DIAPH3: variants seen among roughly 807,000 people sequenced by gnomAD.
DIAPH3 encodes the protein protein diaphanous homolog 3.
In DIAPH3, 117 loss-of-function variants were observed where a neutral mutation model predicts 144.3. The ratio of observed to expected loss-of-function variants is 0.81; its 90% CI spans 0.70 to 0.95. The LOEUF is 0.95. DIAPH3 is among the 40% of genes least tolerant of loss of function. The pLI, the probability that DIAPH3 is intolerant of heterozygous loss-of-function variation, is 0.00. For synonymous variants in DIAPH3, 519 were observed against 488.9 expected (o/e 1.06, Z -0.81); for missense variants, 1,421 against 1,412.7 (o/e 1.01, Z -0.09).
intron 5 of DIAPH3, among the ~76,000 whole-genome samples, chr13:60,030,134 T>C (rs2054680539): frequency 6.6e-6 from 1 of 152,190 alleles, no homozygotes; most frequent in Non-Finnish European, 1.5e-5. Context: ...TTAATTACTC[T>C]CAGTCCTCAT....
chr13:60,150,755 A>G (rs1951742683), intron 1 of DIAPH3, among the ~76,000 whole-genome samples: 1 of 152,204 alleles, frequency 6.6e-6, no homozygotes, highest in Non-Finnish European at 1.5e-5. Context: ...AGGTTGCTCC[A>G]GGCTTGGAGA....
rs139532834 is a variant in DIAPH3, at chr13:60,156,520, T to A, written c.180+7067A>T. On this transcript the variant is annotated intron_variant, in intron 1 of 27. Transcript: ENST00000400324. The stretch of plus-strand genomic sequence containing the variant: ...GGGATGAATGGGCCCAAAGAAGAGA[T>A]GAAAGTCTGAGACAAAGTTTATCTG... Among the ~76,000 whole-genome samples the A allele has an allele frequency of 3.7e-3, 566 of 152,050 alleles. 4 individuals are homozygous for A. The highest frequency in any genetic ancestry group is 0.013 in the African/African-American group (550 of 41,458).
chr13:60,038,901 G>T (rs1301279634), intron 5 of DIAPH3, among the ~76,000 whole-genome samples: 2 of 151,824 alleles, frequency 1.3e-5, no homozygotes, highest in African/African-American at 4.8e-5. Flanking sequence ...TGATGTTGCT[G>T]TCTACCTTTT....
chr13:59,862,814 T>C (rs993008730), intron 21 of DIAPH3, among the ~76,000 whole-genome samples: 6 of 152,156 alleles, frequency 3.9e-5, no homozygotes, highest in African/African-American at 1.4e-4. Flanking sequence ...GCATTTATGT[T>C]TATATACTGT....
intron 4 of DIAPH3, among the ~76,000 whole-genome samples, chr13:60,059,984 G>C (rs189999749): frequency 2.5e-4 from 38 of 152,126 alleles, no homozygotes; most frequent in Admixed American, 1.2e-3. Flanking sequence ...AATCCCTCCA[G>C]GTAATCGCAC....
chr13:59,976,704 C>A (rs2050698573), intron 14 of DIAPH3, among the ~76,000 whole-genome samples: 1 of 151,588 alleles, frequency 6.6e-6, no homozygotes, highest in Non-Finnish European at 1.5e-5. Context: ...CTTTCCTCAC[C>A]CTCCTCCTGC....
intron 27 of DIAPH3, among the ~76,000 whole-genome samples, chr13:59,754,734 T>C (rs1433744142): frequency 1.3e-5 from 2 of 152,186 alleles, no homozygotes; most frequent in African/African-American, 2.4e-5. Context: ...CTTTTGTCAC[T>C]TGGATTATTA....
chr13:60,114,719 C>T (rs903735929), intron 2 of DIAPH3, among the ~76,000 whole-genome samples: 11 of 151,690 alleles, frequency 7.3e-5, no homozygotes, highest in Non-Finnish European at 1.3e-4. Context: ...CATGGTCAAA[C>T]TGCTGAAAGT....
At chr13:59,895,444 C>CAAA (rs149290420) in intron 20 of DIAPH3, among the ~76,000 whole-genome samples, 6 of 127,964 alleles carry the variant, frequency 4.7e-5, no homozygotes, top group Admixed American at 3.1e-4. Flanking sequence ...AAAAAAAAAA[C>CAAA]AAAAAAAAAA....
chr13:59,845,031 C>A (rs1309432771), intron 22 of DIAPH3, among the ~76,000 whole-genome samples: 2 of 127,664 alleles, frequency 1.6e-5, no homozygotes, highest in African/African-American at 2.9e-5. Context: ...TTTTGAGACA[C>A]CATTTTTTTC....
At chr13:59,710,004 G>C (rs373258093) in intron 27 of DIAPH3, among the ~76,000 whole-genome samples, 2,681 of 151,538 alleles carry the variant, frequency 0.018, 70 homozygotes, top group East Asian at 0.12. Flanking sequence ...AACAAAAAAC[G>C]AAACACTGCA....
intron 4 of DIAPH3, among the ~76,000 whole-genome samples, chr13:60,056,019 G>C (rs988354648): frequency 1.3e-5 from 2 of 151,668 alleles, no homozygotes; most frequent in Admixed American, 6.6e-5. Flanking sequence ...ATATCAGAAA[G>C]AGTGGAAGGA....
At chr13:60,122,107 A>G (rs992988758) in intron 2 of DIAPH3, among the ~76,000 whole-genome samples, 1 of 152,208 alleles carries the variant, frequency 6.6e-6, no homozygotes, top group Admixed American at 6.5e-5. Context: ...TCAAAGGATG[A>G]CATTCTTGGC....
In DIAPH3 at chr13:59,931,254, G is replaced by A. The variant is rs2048003387; in HGVS notation, c.2075-6384C>T. Among the ~76,000 whole-genome samples the A allele has an allele frequency of 2.0e-5, 3 of 152,024 alleles. No individual in the cohort carries two copies. The South Asian group carries it at 6.2e-4, about 32-fold the overall frequency. On this transcript the variant is annotated intron_variant, in intron 17 of 27. Coordinates refer to ENST00000400324, the MANE Select transcript of DIAPH3 (RefSeq NM_001042517.2). Reference sequence around the variant, plus strand: ...AGTAATCACTCCTCACCATTGCCCTGGCTACAATTTCTCTTTTTGTGGCCA... The same window carrying A: ...AGTAATCACTCCTCACCATTGCCCTAGCTACAATTTCTCTTTTTGTGGCCA...
At chr13:59,936,636 G>A (rs927782054) in intron 17 of DIAPH3, among the ~76,000 whole-genome samples, 2 of 152,108 alleles carry the variant, frequency 1.3e-5, no homozygotes. Flanking sequence ...ACTGAGAGAA[G>A]AAAGTAAAAG....
chr13:59,900,816 A>G (rs1353886906), intron 20 of DIAPH3, among the ~76,000 whole-genome samples: 1 of 152,158 alleles, frequency 6.6e-6, no homozygotes, highest in Non-Finnish European at 1.5e-5. Context: ...TAAGAGGTCA[A>G]CAGACCCTTA....
intron 27 of DIAPH3, among the ~76,000 whole-genome samples, chr13:59,671,744 C>A (rs756018690): frequency 3.3e-5 from 5 of 152,144 alleles, no homozygotes; most frequent in African/African-American, 4.8e-5. Context: ...CAATTTAATT[C>A]TTCATAGGAT....
chr13:59,983,022 G>A (rs1252695674), intron 13 of DIAPH3, among the ~76,000 whole-genome samples: 4 of 150,558 alleles, frequency 2.7e-5, no homozygotes, highest in Admixed American at 6.7e-5. Flanking sequence ...CCTATTTATC[G>A]GCCATTTTCT....
intron 27 of DIAPH3, among the ~76,000 whole-genome samples, chr13:59,676,521 C>G (rs2032653208): frequency 6.6e-6 from 1 of 152,216 alleles, no homozygotes; most frequent in Non-Finnish European, 1.5e-5. Context: ...CTTCAGTGAT[C>G]ATGAGTTGAA....
Sources: allele counts gnomAD v4.1 joint callset (sites outside exome capture counted in the v4.1 genomes callset), GRCh38; gene constraint gnomAD v4.1.1; transcripts MANE v1.5; gene names NCBI Gene and HGNC (gene_info 2026-07-23, HGNC 2026-07-21).